The following VPS13C variants were observed in gnomAD, a reference collection of about 807,000 sequenced individuals.
The protein encoded by VPS13C is intermembrane lipid transfer protein VPS13C.
VPS13C carries 358 observed loss-of-function variants against 456.8 expected under a neutral mutation model. The observed-to-expected ratio is 0.78, with a 90% confidence interval of 0.72 to 0.86. VPS13C has a LOEUF of 0.86. Ranked by LOEUF, VPS13C falls within the 40% of genes least tolerant of loss-of-function variation. VPS13C has a pLI of 0.00. For synonymous variants in VPS13C, 1,578 were observed against 1,486.7 expected (o/e 1.06, Z -1.41); for missense variants, 4,818 against 4,385.4 (o/e 1.10, Z -2.79).
intron 82 of VPS13C, among the ~76,000 whole-genome samples, chr15:61,859,911 AC>A (rs1387869060): frequency 6.6e-6 from 1 of 152,048 alleles, no homozygotes; most frequent in Non-Finnish European, 1.5e-5. Flanking sequence ...CAGAGTTAGG[AC>A]CAACTAGTAA....
intron 53 of VPS13C, among the ~76,000 whole-genome samples, chr15:61,923,063 A>G (rs975922994): frequency 2.0e-5 from 3 of 152,190 alleles, no homozygotes; most frequent in African/African-American, 4.8e-5. Context: ...AAGCTGATCA[A>G]TTCAGAGCAA....
chr15:61,980,511 T>C (rs1282720224), intron 22 of VPS13C, among the ~76,000 whole-genome samples: 4 of 152,158 alleles, frequency 2.6e-5, no homozygotes, highest in Admixed American at 2.6e-4. Flanking sequence ...ACCACGACAA[T>C]GCTTCTTCTG....
intron 82 of VPS13C, among the ~76,000 whole-genome samples, chr15:61,857,249 A>G (rs977157006): frequency 3.9e-5 from 6 of 152,200 alleles, no homozygotes; most frequent in Admixed American, 1.3e-4. Flanking sequence ...TAAACGCTAC[A>G]GCACAATTAG....
At chr15:62,000,471 C>T (rs1344617438) in intron 16 of VPS13C, 93 bp downstream of exon 16, 7 of 1,219,582 alleles carry the variant, frequency 5.7e-6, no homozygotes, top group African/African-American at 3.2e-5. Flanking sequence ...GCAATAAAAA[C>T]CTCACCTCGT....
chr15:61,884,301 C>T, intron 67 of VPS13C, 32 bp from the exon 68 acceptor site: 2 of 1,601,146 alleles, frequency 1.2e-6, no homozygotes, highest in East Asian at 2.2e-5. Context: ...ATTAAATTAG[C>T]AATATGTATT....
intron 24 of VPS13C, among the ~76,000 whole-genome samples, chr15:61,976,473 G>C (rs2045706162): frequency 6.6e-6 from 1 of 151,976 alleles, no homozygotes; most frequent in Non-Finnish European, 1.5e-5. Context: ...ATGTTGTCCA[G>C]GGACTGGGGG....
intron 27 of VPS13C, among the ~76,000 whole-genome samples, chr15:61,970,908 C>CA (rs2045528992): frequency 6.8e-6 from 1 of 147,046 alleles, no homozygotes; most frequent in Non-Finnish European, 1.5e-5. Flanking sequence ...AAGAGTGTTC[C>CA]AGGCAAAGGA....
At position 61,976,813 on chromosome 15, in the gene VPS13C, A is replaced by C. The variant is rs1207462087; in HGVS notation, c.2408+269T>G. Among the ~76,000 whole-genome samples the C allele has an allele frequency of 5.3e-5, 8 of 152,082 alleles. No individual in the cohort carries two copies. The South Asian group carries it at 1.5e-3, about 28-fold the overall frequency. ...AGCCTCTAATGTGTTCGAAGATTTT[A>C]TTTTGTTGATATTAAGCATTGGATT... On this transcript the variant is annotated intron_variant, in intron 24 of 84. Transcript: ENST00000644861.
At chr15:62,060,160 G>A (rs1346685171) in intron 1 of VPS13C, 115 bp downstream of exon 1, 3 of 502,280 alleles carry the variant, frequency 6.0e-6, no homozygotes, top group Non-Finnish European at 1.1e-5. Flanking sequence ...CTGCCGCACC[G>A]GGATGGGGAG....
At chr15:61,891,436 A>C (rs150178477) in intron 66 of VPS13C, among the ~76,000 whole-genome samples, 3 of 152,310 alleles carry the variant, frequency 2.0e-5, no homozygotes, top group Admixed American at 2.0e-4. Context: ...ATGCCTGCCC[A>C]ATTTTTTTAC....
intron 45 of VPS13C, among the ~76,000 whole-genome samples, chr15:61,945,214 T>C (rs2044563816): frequency 6.6e-6 from 1 of 152,204 alleles, no homozygotes; most frequent in African/African-American, 2.4e-5. Context: ...TCTTTGTAAA[T>C]TACCCAGTCT....
intron 45 of VPS13C, among the ~76,000 whole-genome samples, chr15:61,943,124 C>T (rs1336272856): frequency 6.6e-6 from 1 of 152,076 alleles, no homozygotes; most frequent in Non-Finnish European, 1.5e-5. Context: ...ACAGATGACA[C>T]AGACAAATGG....
At chr15:61,893,055 G>A (rs2042699029) in intron 66 of VPS13C, among the ~76,000 whole-genome samples, 1 of 152,148 alleles carries the variant, frequency 6.6e-6, no homozygotes, top group African/African-American at 2.4e-5. Flanking sequence ...AGAGCAAGGG[G>A]TAGAAAGTTA....
intron 16 of VPS13C, among the ~76,000 whole-genome samples, chr15:61,999,135 T>C (rs909980099): frequency 6.6e-6 from 1 of 152,108 alleles, no homozygotes; most frequent in African/African-American, 2.4e-5. Flanking sequence ...TCCCAGCACT[T>C]TGGGAGGCCA....
At chr15:62,024,868 C>G (rs562652787) in intron 6 of VPS13C, among the ~76,000 whole-genome samples, 3 of 152,162 alleles carry the variant, frequency 2.0e-5, no homozygotes, top group East Asian at 3.9e-4. Context: ...CATGTCATTC[C>G]GTGAACTTCC....
intron 55 of VPS13C, 31 bp downstream of exon 55, chr15:61,921,916 T>C (rs756268673): frequency 1.6e-5 from 26 of 1,590,062 alleles, no homozygotes; most frequent in Non-Finnish European, 2.2e-5. Context: ...ATAGTATCAT[T>C]CTATCCAAAG....
rs570750214 is a variant in VPS13C, at chr15:62,046,270, T to A, written c.101-2015A>T. Among the ~76,000 whole-genome samples, 43 of 151,848 alleles carry A rather than the reference T, an allele frequency of 2.8e-4. No individual in the cohort carries two copies. In the South Asian group the frequency reaches 8.5e-3, roughly 30 times the overall value. ...TAACTTCAGGGTGAAAGACGTAGAG[T>A]CATAGTAAAGAGTTATTTTGGAGGC... On this transcript the variant is annotated intron_variant, in intron 1 of 84. Coordinates refer to ENST00000644861, the MANE Select transcript of VPS13C (RefSeq NM_020821.3).
chr15:62,007,148 A>G (rs1157001962), intron 15 of VPS13C, among the ~76,000 whole-genome samples, 160 bp downstream of exon 15: 3 of 152,134 alleles, frequency 2.0e-5, no homozygotes, highest in African/African-American at 7.2e-5. Flanking sequence ...AAGAAGAAAA[A>G]CTGGAAAAAA....
chr15:62,013,135 G>T lies in VPS13C; in HGVS notation c.745-16C>A, dbSNP rs2047107464. The T allele has an allele frequency of 6.3e-7, 1 of 1,576,768 alleles. No homozygotes were observed. Among genetic ancestry groups the T allele is most frequent in the African/African-American group, 1.4e-5 (1 of 73,826 alleles). On this transcript the variant is annotated splice_polypyrimidine_tract_variant and intron_variant, in intron 10 of 84. Coordinates refer to ENST00000644861, the MANE Select transcript of VPS13C (RefSeq NM_020821.3). ...GTCGTATAAGCTATAAGAGAAAAATGAAAGAGATCAGGCAATCAACACACT... is the reference window on the plus strand; with the variant it reads ...GTCGTATAAGCTATAAGAGAAAAATTAAAGAGATCAGGCAATCAACACACT...
Sources: gnomAD v4.1 joint callset for allele counts (sites outside exome capture counted in the v4.1 genomes callset) on GRCh38, gnomAD v4.1.1 for gene constraint, MANE v1.5 for transcripts, NCBI Gene and HGNC (gene_info 2026-07-23, HGNC 2026-07-21) for gene names.